CNTNAP2: variants seen among roughly 807,000 people sequenced by gnomAD.
The protein encoded by CNTNAP2 is contactin associated protein 2.
A neutral mutation model predicts 155.2 loss-of-function variants in CNTNAP2; 98 were observed. That is an observed-to-expected ratio of 0.63 (90% confidence interval 0.54 to 0.75). CNTNAP2 has a LOEUF of 0.75. Among genes scored for constraint, CNTNAP2 ranks in the 30% least tolerant of loss-of-function variants. The pLI is 0.00. For synonymous variants in CNTNAP2, 651 were observed against 631.2 expected (o/e 1.03, Z -0.47); for missense variants, 1,727 against 1,688.1 (o/e 1.02, Z -0.40).
intron 2 of CNTNAP2, among the ~76,000 whole-genome samples, chr7:146,805,614 C>G (rs536398631): frequency 1.3e-5 from 2 of 152,190 alleles, no homozygotes; most frequent in East Asian, 3.9e-4. Flanking sequence ...TAATTTGCCC[C>G]ACTTGGGTCA....
At chr7:147,155,206 G>C (rs954710944) in intron 8 of CNTNAP2, among the ~76,000 whole-genome samples, 8 of 152,150 alleles carry the variant, frequency 5.3e-5, no homozygotes, top group Non-Finnish European at 8.8e-5. Flanking sequence ...AGAGAGCTCA[G>C]AGAGATCCCT....
chr7:146,269,685 G>A (rs906511125), intron 1 of CNTNAP2, among the ~76,000 whole-genome samples: 7 of 152,142 alleles, frequency 4.6e-5, no homozygotes, highest in Non-Finnish European at 7.4e-5. Flanking sequence ...CATAACAACC[G>A]AAAGGGTAAA....
intron 21 of CNTNAP2, among the ~76,000 whole-genome samples, chr7:148,375,517 G>T (rs1299976720): frequency 1.3e-5 from 2 of 150,174 alleles, no homozygotes; most frequent in East Asian, 2.0e-4. Flanking sequence ...CCACCACCAC[G>T]CCCAGCTAAT....
intron 13 of CNTNAP2, among the ~76,000 whole-genome samples, chr7:147,804,165 C>T (rs1280751154): frequency 6.6e-6 from 1 of 152,176 alleles, no homozygotes; most frequent in Non-Finnish European, 1.5e-5. Context: ...ACTTGAAAAG[C>T]TGCCAGATCT....
chr7:147,285,051 T>C (rs1805145503), intron 8 of CNTNAP2, among the ~76,000 whole-genome samples: 1 of 151,892 alleles, frequency 6.6e-6, no homozygotes, highest in Non-Finnish European at 1.5e-5. Context: ...TCTGGTGGCA[T>C]GTATAAAAAC....
In CNTNAP2 at chr7:146,660,659, A is replaced by G. The variant is rs1457389165; in HGVS notation, c.98-113612A>G. On this transcript the variant is annotated intron_variant, in intron 1 of 23. Transcript: ENST00000361727. ...AATGGGAGGTGTTATTCTATCTTTC[A>G]GATGTCTCTAATGGTTAGAAACGCT... is the stretch of plus-strand genomic sequence containing the variant. 5.3e-5 allele frequency among the ~76,000 whole-genome samples: 8 copies of G among 152,230 alleles called. No individual in the cohort carries two copies. In the East Asian group the frequency reaches 1.5e-3, roughly 29 times the overall value.
At chr7:148,326,136 G>GA (rs1797882262) in intron 21 of CNTNAP2, among the ~76,000 whole-genome samples, 2 of 123,316 alleles carry the variant, frequency 1.6e-5, no homozygotes, top group Non-Finnish European at 3.8e-5. Context: ...TATGCAAACA[G>GA]GTTTTTTTTT....
chr7:147,458,867 T>C (rs559980394), intron 10 of CNTNAP2, among the ~76,000 whole-genome samples: 1 of 152,322 alleles, frequency 6.6e-6, no homozygotes, highest in African/African-American at 2.4e-5. Flanking sequence ...GGCATAAATA[T>C]TTTGTGAACT....
At chr7:147,371,282 C>T (rs1048959858) in intron 9 of CNTNAP2, among the ~76,000 whole-genome samples, 1 of 152,054 alleles carries the variant, frequency 6.6e-6, no homozygotes, top group African/African-American at 2.4e-5. Flanking sequence ...TAAATTTAAG[C>T]ACTATACATT....
At chr7:147,780,791 T>A (rs1008932487) in intron 13 of CNTNAP2, among the ~76,000 whole-genome samples, 1 of 152,232 alleles carries the variant, frequency 6.6e-6, no homozygotes, top group African/African-American at 2.4e-5. Flanking sequence ...AAGTGGGGTC[T>A]GCTAGTAATA....
intron 3 of CNTNAP2, among the ~76,000 whole-genome samples, chr7:146,865,774 A>G (rs1238713735): frequency 1.3e-5 from 2 of 152,162 alleles, no homozygotes; most frequent in African/African-American, 2.4e-5. Flanking sequence ...AAAGCATAAC[A>G]CAGAGAAATC....
At chr7:146,897,497 G>A (rs754756427) in intron 3 of CNTNAP2, among the ~76,000 whole-genome samples, 1 of 152,048 alleles carries the variant, frequency 6.6e-6, no homozygotes. Context: ...CCACCAGCTC[G>A]AGACCTACGT....
At chr7:148,313,582 G>T (rs1207326412) in intron 21 of CNTNAP2, among the ~76,000 whole-genome samples, 3 of 152,180 alleles carry the variant, frequency 2.0e-5, no homozygotes, top group Admixed American at 6.5e-5. Flanking sequence ...TGGAGTTCTT[G>T]TGTGCTGGAG....
At chr7:147,721,476 C>T (rs972235247) in intron 13 of CNTNAP2, among the ~76,000 whole-genome samples, 2 of 151,998 alleles carry the variant, frequency 1.3e-5, no homozygotes, top group Non-Finnish European at 2.9e-5. Flanking sequence ...TGGTGTATGC[C>T]TTTTCACTCC....
At chr7:147,058,719 G>A (rs1799608442) in intron 4 of CNTNAP2, among the ~76,000 whole-genome samples, 1 of 152,120 alleles carries the variant, frequency 6.6e-6, no homozygotes, top group Admixed American at 6.5e-5. Context: ...TGATTCTCTT[G>A]CCTCAGCCTC....
chr7:148,343,736 T>C (rs760259434), intron 21 of CNTNAP2, among the ~76,000 whole-genome samples: 51 of 152,212 alleles, frequency 3.4e-4, no homozygotes, highest in Non-Finnish European at 1.0e-4. Flanking sequence ...AAAAGGATGA[T>C]TGACAAAATT....
intron 3 of CNTNAP2, among the ~76,000 whole-genome samples, chr7:146,949,366 T>C (rs1797260633): frequency 6.6e-6 from 1 of 152,180 alleles, no homozygotes; most frequent in African/African-American, 2.4e-5. Context: ...CTGAACTACA[T>C]CGGTACTTCA....
chr7:147,116,757 G>A (rs576348103), intron 5 of CNTNAP2, among the ~76,000 whole-genome samples: 1 of 152,146 alleles, frequency 6.6e-6, no homozygotes, highest in Non-Finnish European at 1.5e-5. Flanking sequence ...TGTCATGCAG[G>A]CAGGTGTGGT....
intron 15 of CNTNAP2, among the ~76,000 whole-genome samples, chr7:148,009,366 A>C (rs765514272): frequency 3.5e-4 from 53 of 152,192 alleles, no homozygotes; most frequent in Non-Finnish European, 6.0e-4. Flanking sequence ...TGGCTTTTGC[A>C]CCTTCCTAAA....
Sources: allele counts gnomAD v4.1 joint callset (sites outside exome capture counted in the v4.1 genomes callset), GRCh38; gene constraint gnomAD v4.1.1; transcripts MANE v1.5; gene names NCBI Gene and HGNC (gene_info 2026-07-23, HGNC 2026-07-21).